FHIP1A: variants seen among roughly 807,000 people sequenced by gnomAD.
FHIP1A encodes FHF complex subunit HOOK-interacting protein 1A.
A neutral mutation model predicts 88.6 loss-of-function variants in FHIP1A; 61 were observed. That is an observed-to-expected ratio of 0.69 (90% CI 0.56 to 0.85). FHIP1A has a LOEUF of 0.85. FHIP1A is among the 40% of genes least tolerant of loss of function. FHIP1A has a pLI of 0.00. For synonymous variants in FHIP1A, 478 were observed against 496.0 expected, an observed-to-expected ratio of 0.96 and a Z score of 0.48; for missense variants, 1,154 against 1,273.5, an observed-to-expected ratio of 0.91 and a Z score of 1.43.
chr4:151,500,464 T>A (rs1730612612), intron 3 of FHIP1A, among the ~76,000 whole-genome samples: 1 of 150,394 alleles, frequency 6.6e-6, no homozygotes, highest in Admixed American at 6.6e-5. Flanking sequence ...AAAAAGACTT[T>A]GGACAGCCTG....
At chr4:151,631,874 T>C (rs1044720640) in intron 8 of FHIP1A, among the ~76,000 whole-genome samples, 7 of 152,114 alleles carry the variant, frequency 4.6e-5, no homozygotes, top group Non-Finnish European at 8.8e-5. Flanking sequence ...TGTCTGCTTA[T>C]TGGGAAAAGA....
intron 2 of FHIP1A, among the ~76,000 whole-genome samples, chr4:151,472,056 G>A (rs960878803): frequency 6.6e-5 from 10 of 152,064 alleles, no homozygotes; most frequent in African/African-American, 1.9e-4. Context: ...TTGCAACTGC[G>A]AATTGTGAGA....
rs776940733 is a variant in FHIP1A at position 151,664,712 on chromosome 4, CTGTT to C, written c.*1964_*1967del. Reference sequence around the variant, plus strand: ...AAGTTCGGCTGTAATTTATTATACTCTGTTTGTTTTTGCACAAGTATTTATCTTC... The same window carrying C: ...AAGTTCGGCTGTAATTTATTATACTCTGTTTTTGCACAAGTATTTATCTTC... On this transcript the variant is annotated 3_prime_UTR_variant, in exon 14 of 14. Transcript: ENST00000435205. Among the ~76,000 whole-genome samples, 3 of 152,310 alleles carry C rather than the reference CTGTT, an allele frequency of 2.0e-5. No homozygotes were observed. Among genetic ancestry groups the C allele is most frequent in the Admixed American group, 6.5e-5 (1 of 15,306 alleles).
chr4:151,630,532 A>G (rs2126878717), intron 8 of FHIP1A, among the ~76,000 whole-genome samples: 1 of 152,326 alleles, frequency 6.6e-6, no homozygotes, highest in Admixed American at 6.5e-5. Flanking sequence ...ATTTCACTAG[A>G]GCTAATTTAA....
chr4:151,516,875 A>G (rs1357513873), intron 3 of FHIP1A, among the ~76,000 whole-genome samples: 1 of 151,912 alleles, frequency 6.6e-6, no homozygotes, highest in Non-Finnish European at 1.5e-5. Context: ...TAGTTCAACC[A>G]TTGTGGAAGT....
In FHIP1A at chr4:151,570,705, T is replaced by C. The variant is rs184114823; in HGVS notation, c.105+4341T>C. On this transcript the variant is annotated intron_variant, in intron 4 of 13. Coordinates refer to ENST00000435205, the MANE Select transcript of FHIP1A (RefSeq NM_001109977.3). The stretch of plus-strand genomic sequence containing the variant: ...GATCAGAGGCCATTTGTAACTTACA[T>C]CCCCATTGCCCGGAACAGAGTGTGA... 6.2e-3 allele frequency among the ~76,000 whole-genome samples: 945 copies of C among 152,262 alleles called. 5 individuals carry two copies. Among genetic ancestry groups the C allele is most frequent in the Middle Eastern group, 0.027 (8 of 294 alleles).
intron 7 of FHIP1A, among the ~76,000 whole-genome samples, chr4:151,618,800 A>G (rs1453702573): frequency 1.3e-5 from 2 of 152,216 alleles, no homozygotes; most frequent in East Asian, 3.8e-4. Flanking sequence ...ATTAAAATGC[A>G]AGTGTCTTAT....
At chr4:151,605,388 C>T (rs1735033237) in intron 7 of FHIP1A, among the ~76,000 whole-genome samples, 1 of 152,188 alleles carries the variant, frequency 6.6e-6, no homozygotes, top group African/African-American at 2.4e-5. Context: ...AAGATAATTA[C>T]ATACCATCCC....
intron 3 of FHIP1A, among the ~76,000 whole-genome samples, chr4:151,517,597 C>T (rs1731290237): frequency 1.3e-5 from 2 of 151,776 alleles, no homozygotes; most frequent in Admixed American, 1.3e-4. Flanking sequence ...GTTTTATATC[C>T]TGCCATATAT....
intron 7 of FHIP1A, among the ~76,000 whole-genome samples, chr4:151,590,983 T>C (rs1052931992): frequency 3.9e-5 from 6 of 152,208 alleles, no homozygotes; most frequent in Non-Finnish European, 5.9e-5. Flanking sequence ...CTTGTATCCA[T>C]TGCAGACAAT....
At chr4:151,544,669 A>G (rs897829821) in intron 3 of FHIP1A, among the ~76,000 whole-genome samples, 12 of 152,094 alleles carry the variant, frequency 7.9e-5, no homozygotes, top group Non-Finnish European at 1.3e-4. Flanking sequence ...TTTAGGTGGT[A>G]GTTGCAGTGT....
chr4:151,598,235 T>A (rs1470444980), intron 7 of FHIP1A, among the ~76,000 whole-genome samples: 2 of 152,148 alleles, frequency 1.3e-5, no homozygotes, highest in African/African-American at 4.8e-5. Context: ...TGGGCTGGAA[T>A]GCACTGTTCC....
intron 1 of FHIP1A, among the ~76,000 whole-genome samples, chr4:151,424,694 A>T (rs1167646411): frequency 6.6e-6 from 1 of 152,160 alleles, no homozygotes; most frequent in Admixed American, 6.5e-5. Flanking sequence ...TACAGTTGAG[A>T]AGTTATACTC....
chr4:151,632,936 A>G (rs1736211005), intron 8 of FHIP1A, among the ~76,000 whole-genome samples: 1 of 151,960 alleles, frequency 6.6e-6, no homozygotes, highest in Non-Finnish European at 1.5e-5. Context: ...AGAATGAACT[A>G]AACTCAAAGT....
intron 3 of FHIP1A, among the ~76,000 whole-genome samples, chr4:151,491,632 T>A (rs1164779633): frequency 1.3e-5 from 2 of 151,752 alleles, no homozygotes; most frequent in African/African-American, 2.4e-5. Context: ...AATAGAGCAG[T>A]ACCTCATATC....
chr4:151,646,481 C>A, intron 9 of FHIP1A, 77 bp from the exon 10 acceptor site: 1 of 998,502 alleles, frequency 1.0e-6, no homozygotes, highest in Non-Finnish European at 1.5e-6. Context: ...CAAGGAGTCC[C>A]TGTTATGGTT....
Position 151,588,828 on chromosome 4 carries a change from C to A in FHIP1A, c.892-12C>A. The stretch of plus-strand genomic sequence containing the variant: ...TCTTTGCCTTTTTCATGCCTATGTG[C>A]CTCTCTCTCAGGTGGCTCACCCCTT... On this transcript the variant is annotated splice_polypyrimidine_tract_variant and intron_variant, in intron 6 of 13. Transcript: ENST00000435205. 6.6e-7 allele frequency: 1 copy of A among 1,522,058 alleles called. No individual in the cohort carries two copies. Among genetic ancestry groups the A allele is most frequent in the African/African-American group, 1.4e-5 (1 of 72,484 alleles). The allele number at this position is 1,522,058 out of a possible 1,614,324, so 94.3% of individuals were successfully genotyped here. A position where few individuals can be genotyped will look rare whatever the true frequency, so the allele number is the denominator to read the frequency against.
chr4:151,587,515 G>A (rs1013969123), intron 6 of FHIP1A, among the ~76,000 whole-genome samples: 1 of 135,878 alleles, frequency 7.4e-6, no homozygotes, highest in African/African-American at 2.5e-5. Context: ...TTTTTTCTCG[G>A]CCTTTTTTTT....
chr4:151,599,266 A>G (rs1253839957), intron 7 of FHIP1A, among the ~76,000 whole-genome samples: 4 of 152,228 alleles, frequency 2.6e-5, no homozygotes, highest in African/African-American at 7.2e-5. Context: ...GATAAATGGG[A>G]CGGCCCTTAT....
Sources: gnomAD v4.1 joint callset for allele counts (sites outside exome capture counted in the v4.1 genomes callset) on GRCh38, gnomAD v4.1.1 for gene constraint, MANE v1.5 for transcripts, NCBI Gene and HGNC (gene_info 2026-07-23, HGNC 2026-07-21) for gene names.